Variants in KAT14 observed in about 807,000 individuals in gnomAD.
KAT14 encodes the protein cysteine-rich protein 2-binding protein.
KAT14 carries 66 observed loss-of-function variants against 78.4 expected under a neutral mutation model. That is an observed-to-expected ratio of 0.84 (90% CI 0.69 to 1.03). The LOEUF (loss-of-function observed/expected upper bound fraction) is 1.03, where lower values mean the gene tolerates loss of function less well. KAT14 is among the 50% of genes least tolerant of loss of function. KAT14 has a pLI of 0.00. For synonymous variants in KAT14, 344 were observed against 359.4 expected (o/e 0.96, Z 0.48); for missense variants, 870 against 972.5 (o/e 0.89, Z 1.40).
At chr20:18,175,787 G>A (rs1178973460) in intron 7 of KAT14, among the ~76,000 whole-genome samples, 1 of 151,816 alleles carries the variant, frequency 6.6e-6, no homozygotes, top group East Asian at 1.9e-4. Context: ...GGGAGGCCAA[G>A]GCAGGCAGAT....
At chr20:18,165,289 C>T (rs970102803) in intron 7 of KAT14, among the ~76,000 whole-genome samples, 5 of 152,062 alleles carry the variant, frequency 3.3e-5, no homozygotes, top group African/African-American at 9.7e-5. Flanking sequence ...ATGAAGTTTC[C>T]TGGAGAAGAT....
chr20:18,187,182 C>T (rs868235738), intron 10 of KAT14, 104 bp from the exon 11 acceptor site: 7 of 1,419,104 alleles, frequency 4.9e-6, no homozygotes, highest in Middle Eastern at 2.2e-4. Flanking sequence ...CTGATTTCTC[C>T]GGTTTCCATA....
At position 18,183,099 on chromosome 20, in the gene KAT14, T is replaced by C. The variant is rs755408265; in HGVS notation, c.1806-24T>C. On this transcript the variant is annotated intron_variant, in intron 8 of 10. Coordinates refer to ENST00000688188, the MANE Select transcript of KAT14 (RefSeq NM_001392073.1). Reference sequence around the variant, plus strand: ...CCAGGTATTTTTCTTGACTTGAATTTGTTTATCTTCTGTGGTACCGGAGGC... The same window carrying C: ...CCAGGTATTTTTCTTGACTTGAATTCGTTTATCTTCTGTGGTACCGGAGGC... 7 of 1,583,260 alleles carry C rather than the reference T, an allele frequency of 4.4e-6. No homozygotes were observed. The East Asian group carries it at 9.0e-5, about 20-fold the overall frequency.
At chr20:18,182,190 T>C (rs1246365513) in intron 8 of KAT14, among the ~76,000 whole-genome samples, 1 of 152,080 alleles carries the variant, frequency 6.6e-6, no homozygotes, top group African/African-American at 2.4e-5. Flanking sequence ...GGTGCAATCT[T>C]GGCTCACTGT....
intron 4 of KAT14, among the ~76,000 whole-genome samples, chr20:18,158,255 A>T (rs893329268): frequency 3.3e-5 from 5 of 152,216 alleles, no homozygotes; most frequent in African/African-American, 1.2e-4. Context: ...GCTTATGCCT[A>T]CTATAGCTGA....
chr20:18,144,467 A>G (rs2037741834), intron 2 of KAT14, among the ~76,000 whole-genome samples: 1 of 152,172 alleles, frequency 6.6e-6, no homozygotes, highest in South Asian at 2.1e-4. Context: ...CTTCTGGAAT[A>G]TGCATCTCCA....
chr20:18,141,226 GTTAGTTA>G (rs1457582492), intron 1 of KAT14, among the ~76,000 whole-genome samples: 1 of 151,730 alleles, frequency 6.6e-6, no homozygotes, highest in Non-Finnish European at 1.5e-5. Flanking sequence ...ACTATAAAAT[GTTAGTTA>G]TTAGTAATGA....
In KAT14 at chr20:18,168,595, A is replaced by G. The variant is rs932400100; in HGVS notation, c.1668+5650A>G. On this transcript the variant is annotated intron_variant, in intron 7 of 10. Coordinates refer to ENST00000688188, the MANE Select transcript of KAT14 (RefSeq NM_001392073.1). The stretch of plus-strand genomic sequence containing the variant: ...TCCTTGTTTTATTCTCCCATCTCCT[A>G]AAACTTTCAGAATTTTCTCTTTGTT... Among the ~76,000 whole-genome samples, 6 of 152,076 alleles carry G rather than the reference A, an allele frequency of 3.9e-5. No homozygotes were observed. In the South Asian group the frequency reaches 1.2e-3, roughly 31 times the overall value.
intron 7 of KAT14, among the ~76,000 whole-genome samples, chr20:18,173,488 C>T (rs1321560601): frequency 2.6e-5 from 4 of 152,202 alleles, no homozygotes; most frequent in Non-Finnish European, 5.9e-5. Context: ...AGCTTCTTGC[C>T]TGCCAGAGTG....
chr20:18,184,754 G>A lies in KAT14; in HGVS notation c.2134G>A (p.Ala712Thr). 1 of 1,610,518 alleles carries A rather than the reference G, an allele frequency of 6.2e-7. No homozygotes were observed. The highest frequency in any genetic ancestry group is 8.5e-7 in the Non-Finnish European group (1 of 1,179,082). Residue 712 changes from alanine (A) to threonine (T), a missense_variant, in exon 10 of 11, where the codon GCA becomes ACA. Coordinates refer to ENST00000688188, the MANE Select transcript of KAT14 (RefSeq NM_001392073.1). ...FLFVHPEWRR[A>T]GIATFMIYHL... ...GTTCGTCCACCCTGAATGGAGAAGA[G>A]CAGGGATTGCAACTTTCATGATCTA...
chr20:18,165,014 A>G (rs1451657033), intron 7 of KAT14, among the ~76,000 whole-genome samples: 2 of 152,152 alleles, frequency 1.3e-5, no homozygotes, highest in African/African-American at 4.8e-5. Flanking sequence ...TCATACAGAT[A>G]GAAGGCAGCA....
At chr20:18,164,796 T>A (rs1270685600) in intron 7 of KAT14, among the ~76,000 whole-genome samples, 1 of 151,910 alleles carries the variant, frequency 6.6e-6, no homozygotes, top group African/African-American at 2.4e-5. Flanking sequence ...TTTTTTTTAA[T>A]TTTTATTTTT....
intron 7 of KAT14, among the ~76,000 whole-genome samples, chr20:18,180,138 G>A (rs2039196168): frequency 6.6e-6 from 1 of 152,246 alleles, no homozygotes; most frequent in East Asian, 1.9e-4. Context: ...CATAGTGCTA[G>A]GATTACAGGC....
chr20:18,146,876 T>C (rs926713037), intron 3 of KAT14, among the ~76,000 whole-genome samples: 1 of 151,946 alleles, frequency 6.6e-6, no homozygotes, highest in Non-Finnish European at 1.5e-5. Context: ...TATTACTTAG[T>C]TTTTATGTTC....
At chr20:18,182,826 A>G (rs1222512152) in intron 8 of KAT14, among the ~76,000 whole-genome samples, 4 of 152,186 alleles carry the variant, frequency 2.6e-5, no homozygotes, top group Non-Finnish European at 2.9e-5. Flanking sequence ...CTGGAGATGC[A>G]TCCTCATGTC....
upstream of KAT14, among the ~76,000 whole-genome samples, chr20:18,137,640 C>T (rs2037342989): frequency 6.6e-6 from 1 of 152,192 alleles, no homozygotes; most frequent in South Asian, 2.1e-4. Flanking sequence ...ATGGAACCCC[C>T]ACCCTCCACC....
At chr20:18,175,502 C>A (rs936552695) in intron 7 of KAT14, among the ~76,000 whole-genome samples, 1 of 152,118 alleles carries the variant, frequency 6.6e-6, no homozygotes, top group East Asian at 1.9e-4. Context: ...AGCCACCTGT[C>A]GCCTCCCCGG....
intron 7 of KAT14, among the ~76,000 whole-genome samples, chr20:18,163,788 C>T (rs562172788): frequency 2.6e-4 from 40 of 152,224 alleles, no homozygotes; most frequent in African/African-American, 8.9e-4. Flanking sequence ...TGTGTGGGCC[C>T]TTTCAATTTG....
At chr20:18,183,607 C>CTGGTA (rs1221420169) in intron 9 of KAT14, 1 of 902,992 alleles carries the variant, frequency 1.1e-6, no homozygotes, top group African/African-American at 1.8e-5. Flanking sequence ...GATACACAGA[C>CTGGTA]TGGTAGCTTG....
Sources: allele counts gnomAD v4.1 joint callset (sites outside exome capture counted in the v4.1 genomes callset), GRCh38; gene constraint gnomAD v4.1.1; transcripts MANE v1.5; gene names NCBI Gene and HGNC (gene_info 2026-07-23, HGNC 2026-07-21).